VTI1A: variants seen among roughly 807,000 people sequenced by gnomAD.
The protein encoded by VTI1A is vesicle transport through interaction with t-SNAREs homolog 1A.
A neutral mutation model predicts 34.9 loss-of-function variants in VTI1A; 22 were observed. The observed-to-expected ratio is 0.63, with a 90% CI of 0.45 to 0.90. The LOEUF (loss-of-function observed/expected upper bound fraction) is 0.90. VTI1A is among the 40% of genes least tolerant of loss of function. The probability of loss-of-function intolerance (pLI) is 0.00; values close to 1 mark genes in which losing one functional copy is unlikely to be tolerated. For synonymous variants in VTI1A, 87 were observed against 97.3 expected (o/e 0.89, Z 0.62); for missense variants, 268 against 275.6 (o/e 0.97, Z 0.20).
At chr10:112,793,387 G>A (rs1852558130) in intron 7 of VTI1A, among the ~76,000 whole-genome samples, 1 of 152,144 alleles carries the variant, frequency 6.6e-6, no homozygotes, top group African/African-American at 2.4e-5. Flanking sequence ...GCTGTATACT[G>A]GCCTAATAAA....
intron 5 of VTI1A, among the ~76,000 whole-genome samples, chr10:112,576,378 T>G (rs780462432): frequency 1.1e-4 from 16 of 152,210 alleles, no homozygotes; most frequent in Non-Finnish European, 2.2e-4. Flanking sequence ...TGTTTTAGCA[T>G]GCATTTAATC....
intron 7 of VTI1A, among the ~76,000 whole-genome samples, chr10:112,691,584 G>A (rs1590075211): frequency 6.6e-6 from 1 of 152,138 alleles, no homozygotes; most frequent in African/African-American, 2.4e-5. Flanking sequence ...TATCACAAGT[G>A]ATATATCCAA....
At chr10:112,506,624 C>T (rs1267741500) in intron 3 of VTI1A, among the ~76,000 whole-genome samples, 1 of 152,196 alleles carries the variant, frequency 6.6e-6, no homozygotes, top group Non-Finnish European at 1.5e-5. Context: ...TTTACTTCTA[C>T]ATATGCTATG....
intron 7 of VTI1A, among the ~76,000 whole-genome samples, chr10:112,740,245 G>T (rs11196083): frequency 0.18 from 27,128 of 152,166 alleles, 2,676 homozygotes; most frequent in Middle Eastern, 0.23. Context: ...ACAAATACTG[G>T]CCATGGGAAA....
At chr10:112,513,294 G>T (rs1314234075) in intron 3 of VTI1A, among the ~76,000 whole-genome samples, 3 of 151,768 alleles carry the variant, frequency 2.0e-5, no homozygotes, top group African/African-American at 7.3e-5. Flanking sequence ...ATTTTTTGTT[G>T]CTATTGCAAA....
At chr10:112,827,905 G>C in the VTI1A span, among the ~76,000 whole-genome samples, 1 of 151,930 alleles carries the variant, frequency 6.6e-6, no homozygotes. Flanking sequence ...GGTTGTTTTT[G>C]AATGCAGGTT....
intron 5 of VTI1A, among the ~76,000 whole-genome samples, chr10:112,642,970 T>C (rs1410498651): frequency 2.6e-5 from 3 of 115,214 alleles, no homozygotes; most frequent in Non-Finnish European, 5.7e-5. Flanking sequence ...TTTCTTTTTT[T>C]TCTTTTCTTT....
intron 5 of VTI1A, among the ~76,000 whole-genome samples, chr10:112,554,375 A>T (rs1048346590): frequency 9.9e-5 from 15 of 152,216 alleles, no homozygotes; most frequent in Non-Finnish European, 1.6e-4. Context: ...AAAACCAAGG[A>T]CATATGAATA....
chr10:112,462,503 T>C (rs1847757620), intron 2 of VTI1A, among the ~76,000 whole-genome samples: 2 of 152,246 alleles, frequency 1.3e-5, no homozygotes, highest in Non-Finnish European at 2.9e-5. Context: ...TTCCAGATGA[T>C]CCTGTTTACC....
intron 5 of VTI1A, among the ~76,000 whole-genome samples, chr10:112,549,771 C>A (rs1238233496): frequency 1.3e-5 from 2 of 151,964 alleles, no homozygotes; most frequent in Non-Finnish European, 2.9e-5. Flanking sequence ...AAAAGTCTGT[C>A]CAGTTCAGTT....
chr10:112,621,714 A>G (rs1399483373), intron 5 of VTI1A, among the ~76,000 whole-genome samples: 1 of 152,148 alleles, frequency 6.6e-6, no homozygotes, highest in Non-Finnish European at 1.5e-5. Context: ...ATGTACTTCT[A>G]CCTTGGCTTT....
intron 5 of VTI1A, among the ~76,000 whole-genome samples, chr10:112,564,354 G>A (rs184950051): frequency 9.0e-4 from 136 of 151,646 alleles, no homozygotes; most frequent in Admixed American, 3.5e-3. Flanking sequence ...ATAATTTTCC[G>A]TGTATTGTGC....
At chr10:112,487,952 C>G (rs1848699907) in intron 3 of VTI1A, among the ~76,000 whole-genome samples, 1 of 151,982 alleles carries the variant, frequency 6.6e-6, no homozygotes, top group Admixed American at 6.6e-5. Flanking sequence ...CATTTTCTGC[C>G]TGTGTAGATT....
At chr10:112,626,926 G>A (rs1564855054) in intron 5 of VTI1A, among the ~76,000 whole-genome samples, 4 of 152,174 alleles carry the variant, frequency 2.6e-5, no homozygotes, top group Admixed American at 1.3e-4. Flanking sequence ...GTTCAGACTG[G>A]TATAGTGTTT....
At chr10:112,574,242 C>T (rs1272087129) in intron 5 of VTI1A, among the ~76,000 whole-genome samples, 3 of 152,152 alleles carry the variant, frequency 2.0e-5, no homozygotes, top group Non-Finnish European at 1.5e-5. Context: ...GGAGAACTGA[C>T]GTCTACTAAT....
chr10:112,542,898 A>G (rs968545294), intron 5 of VTI1A, among the ~76,000 whole-genome samples: 7 of 152,106 alleles, frequency 4.6e-5, no homozygotes, highest in Non-Finnish European at 7.3e-5. Flanking sequence ...TCATTGTTCA[A>G]TTCCCACCTA....
At chr10:112,555,226 G>T (rs1469940759) in intron 5 of VTI1A, among the ~76,000 whole-genome samples, 1 of 151,954 alleles carries the variant, frequency 6.6e-6, no homozygotes, top group Non-Finnish European at 1.5e-5. Context: ...TCACATCATA[G>T]TTTTTCAAAT....
At chr10:112,652,118 G>A (rs1311726612) in intron 5 of VTI1A, among the ~76,000 whole-genome samples, 1 of 152,174 alleles carries the variant, frequency 6.6e-6, no homozygotes, top group Non-Finnish European at 1.5e-5. Flanking sequence ...TTGAATCAAA[G>A]ACAATGTAAA....
At chr10:112,710,819 ATG>A (rs750095924) in intron 7 of VTI1A, among the ~76,000 whole-genome samples, 9 of 150,360 alleles carry the variant, frequency 6.0e-5, no homozygotes, top group Non-Finnish European at 8.9e-5. Context: ...GTGTGTGTGT[ATG>A]TGTGTGTGTG....
Sources: allele counts gnomAD v4.1 joint callset (sites outside exome capture counted in the v4.1 genomes callset), GRCh38; gene constraint gnomAD v4.1.1; transcripts MANE v1.5; gene names NCBI Gene and HGNC (gene_info 2026-07-23, HGNC 2026-07-21).